The following MECOM variants were observed in gnomAD, a reference collection of about 807,000 sequenced individuals.
MECOM encodes the protein MDS1 and EVI1 complex locus, also known as histone-lysine N-methyltransferase MECOM.
MECOM carries 13 observed loss-of-function variants against 116.3 expected under a neutral mutation model. That is an observed-to-expected ratio of 0.11 (90% CI 0.07 to 0.18). The LOEUF is 0.18. Ranked by LOEUF, MECOM falls within the 10% of genes least tolerant of loss-of-function variation. The pLI is 1.00. For synonymous variants in MECOM, 528 were observed against 535.2 expected (o/e 0.99, Z 0.19); for missense variants, 1,299 against 1,509.0 (o/e 0.86, Z 2.31).
At chr3:169,625,442 A>C (rs2109928045) in intron 1 of MECOM, among the ~76,000 whole-genome samples, 1 of 152,284 alleles carries the variant, frequency 6.6e-6, no homozygotes, top group East Asian at 1.9e-4. Context: ...TTAGTAATAC[A>C]TACCAAATTT....
intron 1 of MECOM, among the ~76,000 whole-genome samples, chr3:169,603,344 G>T (rs1215090962): frequency 1.3e-5 from 2 of 152,122 alleles, no homozygotes; most frequent in East Asian, 1.9e-4. Context: ...TACAATGTAT[G>T]TTTAAGCTGT....
At chr3:169,419,948 G>T (rs1359725437) in intron 1 of MECOM, among the ~76,000 whole-genome samples, 1 of 152,102 alleles carries the variant, frequency 6.6e-6, no homozygotes, top group East Asian at 1.9e-4. Flanking sequence ...AGTGGGCAAA[G>T]GATATGAACA....
At chr3:169,465,223 GT>G (rs1261281390) in intron 1 of MECOM, among the ~76,000 whole-genome samples, 1 of 152,160 alleles carries the variant, frequency 6.6e-6, no homozygotes, top group East Asian at 1.9e-4. Flanking sequence ...AACTGCCTGG[GT>G]TTTAATCTCA....
At chr3:169,420,715 T>C (rs1305417326) in intron 1 of MECOM, among the ~76,000 whole-genome samples, 2 of 152,018 alleles carry the variant, frequency 1.3e-5, no homozygotes, top group African/African-American at 4.8e-5. Flanking sequence ...TCAATTTCTC[T>C]CAAAAATGAA....
intron 1 of MECOM, among the ~76,000 whole-genome samples, chr3:169,471,271 C>A (rs1318535115): frequency 6.6e-6 from 1 of 152,198 alleles, no homozygotes; most frequent in Admixed American, 6.5e-5. Context: ...GGGTTACAGG[C>A]ATGAGCCACC....
chr3:169,594,174 A>AAAAAAAAAAAAACC (rs1255613781), intron 1 of MECOM, among the ~76,000 whole-genome samples: 1 of 125,934 alleles, frequency 7.9e-6, no homozygotes, highest in African/African-American at 3.2e-5. Flanking sequence ...AAAAAAAAAA[A>AAAAAAAAAAAAACC]AACACCTTTT....
intron 1 of MECOM, among the ~76,000 whole-genome samples, chr3:169,641,601 G>A (rs766001302): frequency 6.6e-6 from 1 of 152,118 alleles, no homozygotes; most frequent in African/African-American, 2.4e-5. Flanking sequence ...GGACCACGTG[G>A]GCTAATTCAA....
chr3:169,346,109 A>G (rs567635045), intron 2 of MECOM, among the ~76,000 whole-genome samples: 3 of 152,238 alleles, frequency 2.0e-5, no homozygotes, highest in African/African-American at 7.2e-5. Flanking sequence ...AAGCGAAGCA[A>G]GACTGCCATC....
At chr3:169,363,453 T>C (rs1728633790) in intron 2 of MECOM, among the ~76,000 whole-genome samples, 1 of 151,984 alleles carries the variant, frequency 6.6e-6, no homozygotes, top group African/African-American at 2.4e-5. Context: ...GACTTCTGGC[T>C]AACAACACGT....
intron 2 of MECOM, among the ~76,000 whole-genome samples, chr3:169,327,639 C>CAAA (rs771134017): frequency 1.4e-5 from 1 of 69,504 alleles, no homozygotes. Context: ...GACTGTGTCT[C>CAAA]AAAAAAAAAA....
chr3:169,236,150 AT>A (rs1489832481), intron 2 of MECOM, among the ~76,000 whole-genome samples: 1 of 152,178 alleles, frequency 6.6e-6, no homozygotes, highest in Non-Finnish European at 1.5e-5. Flanking sequence ...TCCTGAGCAC[AT>A]TTAAGGTAGG....
intron 16 of MECOM, among the ~76,000 whole-genome samples, chr3:169,087,554 A>C (rs1356896190): frequency 6.6e-6 from 1 of 152,112 alleles, no homozygotes; most frequent in Non-Finnish European, 1.5e-5. Context: ...CCGTGATTGC[A>C]CCACTGCACT....
In MECOM at chr3:169,381,368, T is replaced by C. The variant is rs1419537805; in HGVS notation, c.194A>G (p.Lys65Arg). Residue 65 changes from lysine (K) to arginine (R), a missense_variant, in exon 2 of 17, where the codon AAA becomes AGA. Around this residue, in one of 6 missense-constraint regions of MECOM, gnomAD observed 374 missense variants for 433.4 expected, o/e 0.86. Coordinates refer to ENST00000651503, the MANE Select transcript of MECOM (RefSeq NM_004991.4). The stretch of plus-strand genomic sequence containing the variant: ...ATCATCAGGGATGTAGATGGGGGCT[T>C]TGTAAGGAGAACCCTCCTTTGGAGT... ...AFTPKEGSPY[K>R]APIYIPDDIP... 1.9e-6 allele frequency: 3 copies of C among 1,613,742 alleles called. No homozygotes were observed. Among genetic ancestry groups the C allele is most frequent in the African/African-American group, 2.7e-5 (2 of 74,916 alleles).
At chr3:169,120,523 C>T (rs752035600) in intron 7 of MECOM, among the ~76,000 whole-genome samples, 1 of 152,130 alleles carries the variant, frequency 6.6e-6, no homozygotes, top group Non-Finnish European at 1.5e-5. Context: ...ACTACAGATC[C>T]GACAGCCTGT....
chr3:169,548,801 A>G (rs922881741), intron 1 of MECOM, among the ~76,000 whole-genome samples: 8 of 152,168 alleles, frequency 5.3e-5, no homozygotes, highest in African/African-American at 1.4e-4. Context: ...TCTGTGCTCC[A>G]TTTTAGGTTA....
chr3:169,148,628 G>A (rs1740567249), intron 2 of MECOM, among the ~76,000 whole-genome samples: 1 of 152,170 alleles, frequency 6.6e-6, no homozygotes, highest in Admixed American at 6.5e-5. Context: ...CACTTGCGGG[G>A]GAGAGGTGGG....
At chr3:169,160,262 G>A (rs1299245750) in intron 2 of MECOM, among the ~76,000 whole-genome samples, 4 of 151,566 alleles carry the variant, frequency 2.6e-5, no homozygotes, top group African/African-American at 9.7e-5. Context: ...CAATCCGAAT[G>A]GGGAAAAACA....
Position 169,121,224 on chromosome 3 carries a change from G to A in MECOM, c.979-15C>T. 1 of 1,584,572 alleles carries A rather than the reference G, an allele frequency of 6.3e-7. No homozygotes were observed. The highest frequency in any genetic ancestry group is 1.1e-5 in the South Asian group (1 of 87,132). ...TCCGTGAAAACCTGCTAGGAAATGAGTACTGATTAATCAAGAAACTTAACT... is the reference window on the plus strand; with the variant it reads ...TCCGTGAAAACCTGCTAGGAAATGAATACTGATTAATCAAGAAACTTAACT... On this transcript the variant is annotated splice_polypyrimidine_tract_variant and intron_variant, in intron 6 of 16. Coordinates refer to ENST00000651503, the MANE Select transcript of MECOM (RefSeq NM_004991.4).
At chr3:169,433,689 G>GAAAGAGAA (rs762521796) in intron 1 of MECOM, among the ~76,000 whole-genome samples, 12 of 96,788 alleles carry the variant, frequency 1.2e-4, no homozygotes, top group African/African-American at 3.0e-4. Flanking sequence ...AAGAAAGAAA[G>GAAAGAGAA]AGAAAGAAAG....
Sources: gnomAD v4.1 joint callset for allele counts (sites outside exome capture counted in the v4.1 genomes callset) on GRCh38, gnomAD v4.1.1 for gene constraint, gnomAD v4.1.1 regional missense constraint, MANE v1.5 for transcripts, NCBI Gene and HGNC (gene_info 2026-07-23, HGNC 2026-07-21) for gene names.